The following ADAMTS3 variants were observed in gnomAD, a reference collection of about 807,000 sequenced individuals.
The protein encoded by ADAMTS3 is ADAM metallopeptidase with thrombospondin type 1 motif 3, also known as A disintegrin and metalloproteinase with thrombospondin motifs 3.
A neutral mutation model predicts 129.0 loss-of-function variants in ADAMTS3; 73 were observed. That is an observed-to-expected ratio of 0.57 (90% CI 0.47 to 0.69). The LOEUF is 0.69. ADAMTS3 is among the 30% of genes least tolerant of loss of function. The pLI is 0.00. For synonymous variants in ADAMTS3, 477 were observed against 510.8 expected (o/e 0.93, Z 0.89); for missense variants, 1,457 against 1,514.5 (o/e 0.96, Z 0.63).
chr4:72,506,414 C>T (rs1225783844), intron 3 of ADAMTS3, among the ~76,000 whole-genome samples: 1 of 152,174 alleles, frequency 6.6e-6, no homozygotes, highest in Non-Finnish European at 1.5e-5. Flanking sequence ...AATTCCAGTG[C>T]CAACTGTTGA....
intron 3 of ADAMTS3, among the ~76,000 whole-genome samples, chr4:72,547,616 T>C (rs1316771680): frequency 2.0e-5 from 3 of 152,160 alleles, no homozygotes; most frequent in African/African-American, 7.2e-5. Context: ...TCAAACTATC[T>C]ATGGTGAAGA....
chr4:72,320,736 G>T lies in ADAMTS3; in HGVS notation c.1080C>A (p.Asp360Glu), dbSNP rs747337040. ...TACCTTGCATTCCAGCAGGTCCAAAGTCTTGCCTGGTTAAAAAAATTGCAT... is the reference window on the plus strand; with the variant it reads ...TACCTTGCATTCCAGCAGGTCCAAATTCTTGCCTGGTTAAAAAAATTGCAT... ...HDHAIFLTRQ[D>E]FGPAGMQGYA... Residue 360 changes from aspartate to glutamate, a missense_variant, in exon 7 of 22, where the codon GAC becomes GAA. Coordinates refer to ENST00000286657, the MANE Select transcript of ADAMTS3 (RefSeq NM_014243.3). 4 of 1,613,702 alleles carry T rather than the reference G, an allele frequency of 2.5e-6. No individual in the cohort carries two copies. The highest frequency in any genetic ancestry group is 2.5e-6 in the Non-Finnish European group (3 of 1,179,850).
Position 72,288,777 on chromosome 4 carries a change from C to A in ADAMTS3, c.3023G>T (p.Arg1008Ile), listed in dbSNP as rs771634435. 1.2e-6 allele frequency: 2 copies of A among 1,613,770 alleles called. No homozygotes were observed. Among genetic ancestry groups the A allele is most frequent in the African/African-American group, 2.7e-5 (2 of 74,910 alleles). The change falls in exon 21 of 22, where the codon AGA becomes ATA. Residue 1008 changes from arginine (R) to isoleucine (I), a missense_variant. Coordinates refer to ENST00000286657, the MANE Select transcript of ADAMTS3 (RefSeq NM_014243.3). ...ATTACAAGGAGGCAGTTGACAGGCTCTGACCGACTCAGGCTTTTCACCATC... is the reference window on the plus strand; with the variant it reads ...ATTACAAGGAGGCAGTTGACAGGCTATGACCGACTCAGGCTTTTCACCATC... ...HCDGEKPESV[R>I]ACQLPPCNDE...
chr4:72,560,828 T>G (rs1411460447), intron 2 of ADAMTS3, among the ~76,000 whole-genome samples: 1 of 152,208 alleles, frequency 6.6e-6, no homozygotes, highest in African/African-American at 2.4e-5. Flanking sequence ...CCTGCACGTG[T>G]ACCCTGGAAC....
intron 3 of ADAMTS3, among the ~76,000 whole-genome samples, chr4:72,545,548 T>C (rs1721443491): frequency 6.6e-6 from 1 of 152,148 alleles, no homozygotes; most frequent in Non-Finnish European, 1.5e-5. Flanking sequence ...CCCTGGAAAT[T>C]AAAGGATATA....
intron 16 of ADAMTS3, among the ~76,000 whole-genome samples, chr4:72,304,351 C>T (rs746030248): frequency 6.6e-6 from 1 of 152,016 alleles, no homozygotes; most frequent in Non-Finnish European, 1.5e-5. Context: ...TTGAAAACAT[C>T]GTCAAAGAGG....
intron 16 of ADAMTS3, among the ~76,000 whole-genome samples, chr4:72,305,043 G>A (rs576756114): frequency 6.6e-6 from 1 of 152,102 alleles, no homozygotes; most frequent in Admixed American, 6.6e-5. Flanking sequence ...ACTTTTTAAA[G>A]TCACAACTGA....
At chr4:72,416,102 T>C (rs1043063789) in intron 3 of ADAMTS3, among the ~76,000 whole-genome samples, 1 of 150,368 alleles carries the variant, frequency 6.7e-6, no homozygotes, top group African/African-American at 2.4e-5. Context: ...TTTGCCATTA[T>C]GCTATCAAGC....
chr4:72,456,486 C>T (rs1718623609), intron 3 of ADAMTS3, among the ~76,000 whole-genome samples: 1 of 147,678 alleles, frequency 6.8e-6, no homozygotes, highest in African/African-American at 2.5e-5. Context: ...GTTTCTGGCT[C>T]CACAAAACCT....
intron 11 of ADAMTS3, among the ~76,000 whole-genome samples, chr4:72,314,917 T>C (rs1398710657): frequency 1.3e-5 from 2 of 152,202 alleles, no homozygotes; most frequent in Admixed American, 1.3e-4. Context: ...GCCTACAATT[T>C]CTTATTTCTA....
rs558293010 is a variant in ADAMTS3, at chr4:72,537,548, C to A, written c.504+10930G>T. The stretch of plus-strand genomic sequence containing the variant: ...CAGGCTCAGAAAAGACCTGAGAAGA[C>A]CTTAAGTTTACAGTTCAGCCTAATC... On this transcript the variant is annotated intron_variant, in intron 3 of 21. Transcript: ENST00000286657. 2.0e-5 allele frequency among the ~76,000 whole-genome samples: 3 copies of A among 152,152 alleles called. No individual in the cohort carries two copies. The South Asian group carries it at 6.2e-4, about 32-fold the overall frequency.
chr4:72,548,526 G>T lies in ADAMTS3; in HGVS notation c.456C>A (p.Ile152=), dbSNP rs763998319. 1 of 1,613,854 alleles carries T rather than the reference G, an allele frequency of 6.2e-7. No homozygotes were observed. Among genetic ancestry groups the T allele is most frequent in the Admixed American group, 1.7e-5 (1 of 59,990 alleles). Residue 152 remains isoleucine (I), a synonymous_variant, in exon 3 of 22, where the codon ATC becomes ATA. Transcript: ENST00000286657. The part of the protein sequence containing the change: ...LQTNCAYVGD[I]VDIPGTSVAI... ...CAACAGAGGTTCCTGGAATGTCCAC[G>T]ATGTCACCAACATAAGCACAGTTAG...
At chr4:72,556,029 TA>T (rs1721756394) in intron 2 of ADAMTS3, among the ~76,000 whole-genome samples, 2 of 151,698 alleles carry the variant, frequency 1.3e-5, no homozygotes, top group South Asian at 4.1e-4. Flanking sequence ...CAGTCTCAGG[TA>T]ATTCTTTACA....
At chr4:72,334,383 T>C (rs1324683984) in intron 5 of ADAMTS3, among the ~76,000 whole-genome samples, 3 of 152,148 alleles carry the variant, frequency 2.0e-5, no homozygotes, top group Non-Finnish European at 4.4e-5. Context: ...CAAATTTTTA[T>C]TGCATGTCTA....
rs117874869 is a variant in ADAMTS3, at chr4:72,395,662, T to C, written c.661+19153A>G. On this transcript the variant is annotated intron_variant, in intron 4 of 21. Transcript: ENST00000286657. ...AAAGCAGCAATCTCCAAAGCAGAGA[T>C]TGCAAACACATACAACAACATTTAC... 1.1e-3 allele frequency among the ~76,000 whole-genome samples: 165 copies of C among 152,300 alleles called. 3 individuals carry two copies. The East Asian group carries it at 0.029, about 27-fold the overall frequency.
chr4:72,533,633 A>G (rs1721105089), intron 3 of ADAMTS3, among the ~76,000 whole-genome samples: 3 of 151,940 alleles, frequency 2.0e-5, no homozygotes, highest in Non-Finnish European at 2.9e-5. Context: ...ATATATATGT[A>G]TATGCACATA....
At chr4:72,532,895 G>A (rs1479083336) in intron 3 of ADAMTS3, among the ~76,000 whole-genome samples, 1 of 152,176 alleles carries the variant, frequency 6.6e-6, no homozygotes, top group East Asian at 1.9e-4. Context: ...TATGGAGCTT[G>A]CAGGACTGGA....
chr4:72,477,631 T>A lies in ADAMTS3; in HGVS notation c.505-62660A>T, dbSNP rs1410781355. 1.2e-4 allele frequency among the ~76,000 whole-genome samples: 18 copies of A among 151,662 alleles called. No individual in the cohort carries two copies. In the South Asian group the frequency reaches 1.3e-3, roughly 11 times the overall value. ...ACACCCTAACATCACAATTAAAAGA[T>A]CTAGAAAAGCAAGAGCAAACACATT... On this transcript the variant is annotated intron_variant, in intron 3 of 21. Coordinates refer to ENST00000286657, the MANE Select transcript of ADAMTS3 (RefSeq NM_014243.3).
chr4:72,489,872 G>A (rs542699570), intron 3 of ADAMTS3, among the ~76,000 whole-genome samples: 1 of 151,860 alleles, frequency 6.6e-6, no homozygotes, highest in African/African-American at 2.4e-5. Context: ...GGAAGTTGCT[G>A]TATATATACC....
Sources: allele counts gnomAD v4.1 joint callset (sites outside exome capture counted in the v4.1 genomes callset), GRCh38; gene constraint gnomAD v4.1.1; transcripts MANE v1.5; gene names NCBI Gene and HGNC (gene_info 2026-07-23, HGNC 2026-07-21).